The following S100Z variants were observed in gnomAD, a reference collection of about 807,000 sequenced individuals.
The protein encoded by S100Z is protein S100-Z.
A neutral mutation model predicts 8.5 loss-of-function variants in S100Z; 11 were observed. That is an observed-to-expected ratio of 1.30 (90% confidence interval 0.82 to 2.15). The LOEUF is 2.15. S100Z is among the 30% of genes most tolerant of loss of function. The pLI, the probability that S100Z is intolerant of heterozygous loss-of-function variation, is 0.00. For missense variants in S100Z, 126 were observed against 117.9 expected, an observed-to-expected ratio of 1.07 and a Z score of -0.32; for synonymous variants, 34 against 43.8, an observed-to-expected ratio of 0.78 and a Z score of 0.89.
chr5:76,899,356 G>A (rs950429554), intron 4 of S100Z, among the ~76,000 whole-genome samples: 7 of 151,172 alleles, frequency 4.6e-5, no homozygotes, highest in Non-Finnish European at 8.8e-5. Context: ...TGTTGTTATT[G>A]CTAAGTAAGG....
chr5:76,858,535 A>AG (rs1491090890), intron 1 of S100Z, among the ~76,000 whole-genome samples: 4 of 151,158 alleles, frequency 2.6e-5, no homozygotes, highest in East Asian at 1.9e-4. Context: ...AAAAAAAAAA[A>AG]GGGGGTGATG....
downstream of S100Z, among the ~76,000 whole-genome samples, chr5:76,925,280 A>C (rs567034629): frequency 6.6e-6 from 1 of 152,164 alleles, no homozygotes; most frequent in Non-Finnish European, 1.5e-5. Flanking sequence ...CTAGCACTCT[A>C]TGGGAGGGGA....
At chr5:76,890,030 GT>G (rs749222744) in intron 4 of S100Z, among the ~76,000 whole-genome samples, 3 of 152,176 alleles carry the variant, frequency 2.0e-5, no homozygotes, top group Admixed American at 6.5e-5. Flanking sequence ...ATTTAATTTT[GT>G]TTTGTTTTTC....
the S100Z span, among the ~76,000 whole-genome samples, chr5:76,932,782 G>A: frequency 2.6e-4 from 39 of 152,078 alleles, no homozygotes; most frequent in African/African-American, 8.9e-4. Flanking sequence ...TTTCATCAAC[G>A]CTTTAAAAAT....
intron 1 of S100Z, among the ~76,000 whole-genome samples, chr5:76,862,573 T>A (rs1321651406): frequency 6.6e-6 from 1 of 151,952 alleles, no homozygotes; most frequent in Non-Finnish European, 1.5e-5. Flanking sequence ...CCGAGGCAGG[T>A]GGATAACCTG....
the S100Z span, among the ~76,000 whole-genome samples, chr5:76,936,066 C>T: frequency 2.7e-4 from 41 of 152,134 alleles, no homozygotes; most frequent in African/African-American, 8.0e-4. Flanking sequence ...CGTGAGCCAC[C>T]GTGCCCGGCC....
Position 76,867,068 on chromosome 5 carries a change from C to T in S100Z, c.-175-3098C>T, listed in dbSNP as rs530688326. On this transcript the variant is annotated intron_variant, in intron 1 of 4. Transcript: ENST00000317593. The stretch of plus-strand genomic sequence containing the variant: ...ACATAGTTGTGCGATTCTAGGAAAG[C>T]TTCTTTCTTTCCTTTTAAAAATAGC... Among the ~76,000 whole-genome samples, 13 of 152,246 alleles carry T rather than the reference C, an allele frequency of 8.5e-5. No homozygotes were observed. The South Asian group carries it at 1.0e-3, about 12-fold the overall frequency.
At chr5:76,913,189 C>A (rs886597266) in intron 4 of S100Z, among the ~76,000 whole-genome samples, 3 of 152,178 alleles carry the variant, frequency 2.0e-5, no homozygotes, top group Non-Finnish European at 4.4e-5. Context: ...CACTGACAAC[C>A]CATAGCCTTC....
In S100Z at chr5:76,921,573, A is replaced by G. The variant is rs1745036743; in HGVS notation, c.*859A>G. ...AAGACATGGCATTATGACACTGGAT[A>G]TTCAAAAACCACGATGTCCTTTTAC... On this transcript the variant is annotated 3_prime_UTR_variant, in exon 5 of 5. Transcript: ENST00000317593. 2 of 152,230 alleles carry G rather than the reference A, an allele frequency of 1.3e-5. No homozygotes were observed. 9.4% of individuals were successfully genotyped at this position (152,230 alleles called of 1,614,324 possible).
At chr5:76,945,771 T>C in the S100Z span, among the ~76,000 whole-genome samples, 2 of 152,196 alleles carry the variant, frequency 1.3e-5, no homozygotes, top group African/African-American at 4.8e-5. Flanking sequence ...TAGTAATCAA[T>C]AAATACTGAG....
At chr5:76,898,387 G>T (rs1009140975) in intron 4 of S100Z, among the ~76,000 whole-genome samples, 1 of 151,954 alleles carries the variant, frequency 6.6e-6, no homozygotes, top group African/African-American at 2.4e-5. Flanking sequence ...GATTCCTGAG[G>T]TGGGTGGATC....
At chr5:76,945,088 C>T in the S100Z span, among the ~76,000 whole-genome samples, 1 of 152,274 alleles carries the variant, frequency 6.6e-6, no homozygotes, top group East Asian at 1.9e-4. Context: ...TGTAACTTTG[C>T]CCCAACCTTG....
chr5:76,924,343 T>G (rs778518475), downstream of S100Z, among the ~76,000 whole-genome samples: 1 of 152,194 alleles, frequency 6.6e-6, no homozygotes, highest in Non-Finnish European at 1.5e-5. Context: ...TTATGTGTGT[T>G]AAATAAATGT....
chr5:76,949,632 A>C, the S100Z span, among the ~76,000 whole-genome samples: 1 of 152,236 alleles, frequency 6.6e-6, no homozygotes, highest in Non-Finnish European at 1.5e-5. Flanking sequence ...AGTCTGAGAA[A>C]AGAGGAAATC....
intron 4 of S100Z, among the ~76,000 whole-genome samples, chr5:76,897,309 G>A (rs997874135): frequency 6.6e-6 from 1 of 152,020 alleles, no homozygotes; most frequent in Non-Finnish European, 1.5e-5. Flanking sequence ...AGGTGTGGTG[G>A]TGGGCGCCTG....
Position 76,875,315 on chromosome 5 carries a change from C to T in S100Z, c.-45C>T, listed in dbSNP as rs1005747272. The T allele has an allele frequency of 5.7e-6, 9 of 1,569,576 alleles. No individual in the cohort carries two copies. Among genetic ancestry groups the T allele is most frequent in the Non-Finnish European group, 6.9e-6 (8 of 1,158,122 alleles). ...TTATTCTGAACAAGTGTCTTCTCCC[C>T]GGGTTTGGTGGCCTGCTTCTGGAGT... is the stretch of plus-strand genomic sequence containing the variant. On this transcript the variant is annotated 5_prime_UTR_variant, in exon 3 of 5. Coordinates refer to ENST00000317593, the MANE Select transcript of S100Z (RefSeq NM_130772.4).
chr5:76,918,057 T>A (rs988390004), intron 4 of S100Z, among the ~76,000 whole-genome samples: 1 of 152,352 alleles, frequency 6.6e-6, no homozygotes, highest in East Asian at 1.9e-4. Context: ...GTCAAAGGTA[T>A]ACGTATTTAA....
intron 4 of S100Z, among the ~76,000 whole-genome samples, chr5:76,889,358 T>G (rs956645145): frequency 1.3e-5 from 2 of 152,284 alleles, no homozygotes; most frequent in Non-Finnish European, 2.9e-5. Context: ...GAAGAAAAAA[T>G]TTTTTAAAAA....
chr5:76,937,595 T>TA, the S100Z span, among the ~76,000 whole-genome samples: 508 of 149,270 alleles, frequency 3.4e-3, 2 homozygotes, highest in Non-Finnish European at 5.5e-3. Context: ...GTCTCTACCA[T>TA]AAAAAAAAAT....
Sources: gnomAD v4.1 joint callset for allele counts (sites outside exome capture counted in the v4.1 genomes callset) on GRCh38, gnomAD v4.1.1 for gene constraint, MANE v1.5 for transcripts, NCBI Gene and HGNC (gene_info 2026-07-23, HGNC 2026-07-21) for gene names.